The following HHAT variants were observed in gnomAD, a reference collection of about 807,000 sequenced individuals.
HHAT encodes protein-cysteine N-palmitoyltransferase HHAT.
A neutral mutation model predicts 70.8 loss-of-function variants in HHAT; 47 were observed. The ratio of observed to expected loss-of-function variants is 0.66; its 90% confidence interval spans 0.53 to 0.85. HHAT has a LOEUF of 0.85. HHAT is among the 40% of genes least tolerant of loss of function. The probability of loss-of-function intolerance (pLI) is 0.00; values close to 1 mark genes in which losing one functional copy is unlikely to be tolerated. For synonymous variants in HHAT, 228 were observed against 247.6 expected (o/e 0.92, Z 0.74); for missense variants, 609 against 604.8 (o/e 1.01, Z -0.07).
chr1:210,469,797 T>C, intron 8 of HHAT, among the ~76,000 whole-genome samples: 1 of 152,094 alleles, frequency 6.6e-6, no homozygotes, highest in East Asian at 1.9e-4. Context: ...GCTTCCCAAG[T>C]AGCTGTGACC....
chr1:210,445,791 C>T (rs1013072165), intron 7 of HHAT, among the ~76,000 whole-genome samples: 1 of 152,036 alleles, frequency 6.6e-6, no homozygotes, highest in African/African-American at 2.4e-5. Flanking sequence ...ACCTGCCCCA[C>T]CCTTCTCTAT....
intron 9 of HHAT, among the ~76,000 whole-genome samples, chr1:210,551,451 T>C (rs760632838): frequency 3.0e-5 from 4 of 133,050 alleles, no homozygotes; most frequent in Non-Finnish European, 4.6e-5. Context: ...TTTTGTTTTT[T>C]AAATTGTGTT....
intron 2 of HHAT, among the ~76,000 whole-genome samples, chr1:210,358,598 G>C (rs1422375629): frequency 6.6e-6 from 1 of 152,166 alleles, no homozygotes; most frequent in Non-Finnish European, 1.5e-5. Context: ...CGTCTTTTCT[G>C]TGCCCCCTTC....
At chr1:210,664,993 C>T (rs910918831) in intron 11 of HHAT, among the ~76,000 whole-genome samples, 3 of 151,840 alleles carry the variant, frequency 2.0e-5, no homozygotes, top group Non-Finnish European at 2.9e-5. Context: ...CTCCTGGAGT[C>T]GCCTCTTTCC....
chr1:210,540,734 C>G (rs1017652907), intron 9 of HHAT, among the ~76,000 whole-genome samples: 2 of 151,920 alleles, frequency 1.3e-5, no homozygotes, highest in African/African-American at 4.8e-5. Context: ...GTTTAGAACT[C>G]CTGGGCTCAA....
rs192220299 is a variant in HHAT at position 210,675,463 on chromosome 1, G to A, written c.*1084G>A. On this transcript the variant is annotated 3_prime_UTR_variant, in exon 12 of 12. Transcript: ENST00000261458. ...TAATTCAGAAGACTTGTTTGAATTT[G>A]GATTTTTTTTTTTTTTGGAGTGGGG... 2 of 121,262 alleles carry A rather than the reference G, an allele frequency of 1.6e-5. No homozygotes were observed. The highest frequency in any genetic ancestry group is 1.7e-4 in the Admixed American group (2 of 11,870). The allele number at this position is 121,262 out of a possible 1,614,324, so 7.5% of individuals were successfully genotyped here. A position where few individuals can be genotyped will look rare whatever the true frequency, so the allele number is the denominator to read the frequency against.
At chr1:210,451,421 C>T (rs1004584350) in intron 7 of HHAT, among the ~76,000 whole-genome samples, 1 of 152,156 alleles carries the variant, frequency 6.6e-6, no homozygotes, top group African/African-American at 2.4e-5. Context: ...AATTCTGCCA[C>T]AGAACAAACT....
At position 210,625,327 on chromosome 1, in the gene HHAT, G is replaced by T. The variant is rs4617467; in HGVS notation, c.1390+1657G>T. 2.3e-3 allele frequency among the ~76,000 whole-genome samples: 356 copies of T among 152,184 alleles called. 2 individuals are homozygous for T. Among genetic ancestry groups the T allele is most frequent in the Non-Finnish European group, 1.7e-3 (119 of 68,022 alleles). On this transcript the variant is annotated intron_variant, in intron 11 of 11. Coordinates refer to ENST00000261458, the MANE Select transcript of HHAT (RefSeq NM_018194.6). ...AATGATAAGAACATTGTGACTTGGT[G>T]GGGGGAAAGTGCGGACTTGGTTTGC...
chr1:210,397,420 T>C (rs1042956440), intron 4 of HHAT, among the ~76,000 whole-genome samples: 2 of 152,184 alleles, frequency 1.3e-5, no homozygotes, highest in Non-Finnish European at 2.9e-5. Context: ...GTTTTTAAAC[T>C]TGAGTTTGAC....
At chr1:210,536,133 G>A (rs552731812) in intron 9 of HHAT, among the ~76,000 whole-genome samples, 6 of 152,306 alleles carry the variant, frequency 3.9e-5, no homozygotes, top group East Asian at 3.9e-4. Flanking sequence ...GGGAAAATAC[G>A]TTTAGAGCTT....
chr1:210,404,966 G>C (rs763881818), intron 6 of HHAT, among the ~76,000 whole-genome samples: 13 of 152,072 alleles, frequency 8.5e-5, no homozygotes, highest in Non-Finnish European at 1.0e-4. Flanking sequence ...AAGGAGTTTG[G>C]GAGTTGGTAT....
chr1:210,513,316 T>C (rs1254054285), intron 9 of HHAT, 128 bp downstream of exon 9: 6 of 537,826 alleles, frequency 1.1e-5, no homozygotes, highest in African/African-American at 2.0e-5. Context: ...CAAGAAAACA[T>C]TGCTAACACT....
chr1:210,406,501 C>A (rs543437009), intron 6 of HHAT, among the ~76,000 whole-genome samples: 1 of 151,862 alleles, frequency 6.6e-6, no homozygotes, highest in South Asian at 2.1e-4. Context: ...TCAAGTGATT[C>A]CCGTGTCTGA....
At chr1:210,398,898 A>G (rs181114889) in intron 4 of HHAT, among the ~76,000 whole-genome samples, 99 of 152,246 alleles carry the variant, frequency 6.5e-4, no homozygotes, top group African/African-American at 2.3e-3. Context: ...TGAACTTCAC[A>G]TTTCTCTGGT....
intron 9 of HHAT, among the ~76,000 whole-genome samples, chr1:210,539,424 A>G (rs1045948817): frequency 5.3e-5 from 8 of 152,240 alleles, no homozygotes; most frequent in African/African-American, 9.6e-5. Context: ...GGAAGGACCT[A>G]TGGAGTAGGA....
chr1:210,453,653 G>T (rs2093801439), intron 7 of HHAT, among the ~76,000 whole-genome samples: 1 of 152,050 alleles, frequency 6.6e-6, no homozygotes, highest in East Asian at 1.9e-4. Context: ...GAAAATACTT[G>T]TATGTTTCTT....
chr1:210,513,479 G>C (rs977286840), intron 9 of HHAT, among the ~76,000 whole-genome samples: 3 of 152,180 alleles, frequency 2.0e-5, no homozygotes, highest in African/African-American at 7.2e-5. Context: ...AAAATTAGGA[G>C]TGCCAGCTTG....
In HHAT at chr1:210,392,344, T is replaced by C. The variant is rs193065010; in HGVS notation, c.273+4763T>C. Among the ~76,000 whole-genome samples the C allele has an allele frequency of 1.4e-4, 21 of 152,212 alleles. No homozygotes were observed. In the East Asian group the frequency reaches 3.3e-3, roughly 24 times the overall value. On this transcript the variant is annotated intron_variant, in intron 4 of 11. Coordinates refer to ENST00000261458, the MANE Select transcript of HHAT (RefSeq NM_018194.6). The stretch of plus-strand genomic sequence containing the variant: ...ATGGGTCTCCTTTGCCTCTCACCCT[T>C]GTTCTTGTTCCTCCTTGTTTGCTTC...
At chr1:210,649,657 ATGACCT>A (rs1573994597) in intron 11 of HHAT, among the ~76,000 whole-genome samples, 1 of 152,364 alleles carries the variant, frequency 6.6e-6, no homozygotes. Flanking sequence ...AGAGTCGAGA[ATGACCT>A]TGACCTGTCC....
Sources: gnomAD v4.1 joint callset for allele counts (sites outside exome capture counted in the v4.1 genomes callset) on GRCh38, gnomAD v4.1.1 for gene constraint, MANE v1.5 for transcripts, NCBI Gene and HGNC (gene_info 2026-07-23, HGNC 2026-07-21) for gene names.